Variants in MRPL37 observed in about 807,000 individuals in gnomAD.
The protein encoded by MRPL37 is mitochondrial ribosomal protein L37, also known as large ribosomal subunit protein mL37.
A neutral mutation model predicts 44.1 loss-of-function variants in MRPL37; 34 were observed. That is an observed-to-expected ratio of 0.77 (90% CI 0.59 to 1.03). The LOEUF is 1.03. Among genes scored for constraint, MRPL37 ranks in the 50% least tolerant of loss-of-function variants. MRPL37 has a pLI of 0.00. For synonymous variants in MRPL37, 212 were observed against 219.5 expected, an observed-to-expected ratio of 0.97 and a Z score of 0.30; for missense variants, 532 against 543.7, an observed-to-expected ratio of 0.98 and a Z score of 0.21.
chr1:54,220,236 A>C (rs1229514791), downstream of MRPL37, among the ~76,000 whole-genome samples: 1 of 152,004 alleles, frequency 6.6e-6, no homozygotes, highest in Non-Finnish European at 1.5e-5. Flanking sequence ...AGGGAGGGTG[A>C]GGTGAACTTG....
chr1:54,210,772 A>G (rs533982557), intron 4 of MRPL37, among the ~76,000 whole-genome samples: 1 of 152,130 alleles, frequency 6.6e-6, no homozygotes, highest in Admixed American at 6.5e-5. Context: ...TACCTAGCCT[A>G]TTGCCACAGC....
downstream of MRPL37, among the ~76,000 whole-genome samples, chr1:54,222,914 A>C (rs1440290106): frequency 1.3e-5 from 2 of 152,218 alleles, no homozygotes; most frequent in Admixed American, 6.5e-5. Flanking sequence ...GTGCCAGAAC[A>C]ACCCCTGGCA....
intron 1 of MRPL37, among the ~76,000 whole-genome samples, chr1:54,204,014 T>G (rs1303241452): frequency 3.9e-5 from 6 of 152,212 alleles, no homozygotes; most frequent in Non-Finnish European, 4.4e-5. Context: ...ATTTACTATT[T>G]GGCCCTTTGA....
At chr1:54,216,431 C>T in intron 6 of MRPL37, 87 bp downstream of exon 6, 1 of 1,471,724 alleles carries the variant, frequency 6.8e-7, no homozygotes, top group Non-Finnish European at 9.3e-7. Flanking sequence ...CTGGGGTGCT[C>T]TGTGAGGAGA....
intron 1 of MRPL37, 31 bp downstream of exon 1, chr1:54,200,620 G>A (rs767893972): frequency 7.0e-6 from 11 of 1,565,296 alleles, no homozygotes; most frequent in East Asian, 2.3e-5. Context: ...GCAAGGGACC[G>A]TGTTCCTCTA....
intron 6 of MRPL37, among the ~76,000 whole-genome samples, chr1:54,216,948 C>T (rs541564389): frequency 1.2e-4 from 18 of 151,802 alleles, no homozygotes; most frequent in South Asian, 4.2e-4. Flanking sequence ...CCCACAGATA[C>T]GGAGTTCCTC....
Position 54,200,250 on chromosome 1 carries a change from T to C in MRPL37, c.7T>C (p.Leu3=), listed in dbSNP as rs749134167. ...TTGAGGCTATCAGATCGGTATGGCA[T>C]TGGCGTCCGGGCCCGCAAGGCGGGC... MA[L]ASGPARRALA... is the part of the protein sequence containing the mutation. Residue 3 remains leucine, a synonymous_variant, in exon 1 of 7, where the codon TTG becomes CTG. Transcript: ENST00000360840. The C allele has an allele frequency of 4.4e-6, 7 of 1,586,566 alleles. No individual in the cohort carries two copies. In the South Asian group the frequency reaches 5.7e-5, roughly 13 times the overall value.
intron 5 of MRPL37, among the ~76,000 whole-genome samples, chr1:54,215,423 T>C (rs1215111442): frequency 1.3e-5 from 2 of 152,208 alleles, no homozygotes; most frequent in African/African-American, 2.4e-5. Context: ...GTGTTACTAC[T>C]ATTACCAAGT....
At chr1:54,221,815 G>A (rs988658880), downstream of MRPL37, among the ~76,000 whole-genome samples, 1 of 152,218 alleles carries the variant, frequency 6.6e-6, no homozygotes. Flanking sequence ...GTCCCTCACC[G>A]TAGACCTCCT....
chr1:54,220,503 G>A (rs573182694), downstream of MRPL37: 4 of 378,474 alleles, frequency 1.1e-5, no homozygotes, highest in South Asian at 2.0e-5. Context: ...CAGGACTGGC[G>A]GTTTTTTTTA....
chr1:54,222,687 A>G (rs1437906684), downstream of MRPL37, among the ~76,000 whole-genome samples: 5 of 151,932 alleles, frequency 3.3e-5, no homozygotes, highest in Non-Finnish European at 5.9e-5. Flanking sequence ...TTCATTCCCT[A>G]GATGATTTCA....
At chr1:54,204,662 G>A (rs1456405047) in intron 1 of MRPL37, among the ~76,000 whole-genome samples, 2 of 152,184 alleles carry the variant, frequency 1.3e-5, no homozygotes, top group South Asian at 4.1e-4. Flanking sequence ...TTAAATGAAA[G>A]GTTGGCATCC....
chr1:54,221,978 G>A (rs1644237999), downstream of MRPL37, among the ~76,000 whole-genome samples: 1 of 152,200 alleles, frequency 6.6e-6, no homozygotes, highest in Non-Finnish European at 1.5e-5. Flanking sequence ...ATTGGCAGTA[G>A]CAGGTACCCA....
At chr1:54,211,595 C>T (rs548108266) in intron 4 of MRPL37, among the ~76,000 whole-genome samples, 16 of 152,188 alleles carry the variant, frequency 1.1e-4, no homozygotes, top group Non-Finnish European at 4.4e-5. Flanking sequence ...CAGGCTCAAG[C>T]AATCCTCCTA....
chr1:54,225,429 G>A, downstream of MRPL37: 5 of 1,233,118 alleles, frequency 4.1e-6, no homozygotes, highest in Non-Finnish European at 5.1e-6. Flanking sequence ...TGTCAGGAAG[G>A]GCTGCGGAAA....
At chr1:54,216,389 C>T (rs1215024288) in intron 6 of MRPL37, 45 bp downstream of exon 6, 1 of 1,598,676 alleles carries the variant, frequency 6.3e-7, no homozygotes, top group Non-Finnish European at 8.5e-7. Context: ...GCCATGCCTC[C>T]TCCTACCTGG....
intron 1 of MRPL37, among the ~76,000 whole-genome samples, chr1:54,203,080 G>C (rs533231662): frequency 2.0e-5 from 3 of 152,328 alleles, no homozygotes; most frequent in Admixed American, 2.0e-4. Context: ...ATCCCACTGA[G>C]AGTAGCTAAG....
chr1:54,206,755 T>C (rs1234933010), intron 3 of MRPL37, among the ~76,000 whole-genome samples: 2 of 151,548 alleles, frequency 1.3e-5, no homozygotes, highest in Non-Finnish European at 2.9e-5. Context: ...TTTTTTTTTT[T>C]CCAGATGGAG....
At chr1:54,214,534 C>T (rs964743608) in intron 5 of MRPL37, among the ~76,000 whole-genome samples, 1 of 152,208 alleles carries the variant, frequency 6.6e-6, no homozygotes, top group Non-Finnish European at 1.5e-5. Context: ...CATGATCTCT[C>T]CAGTTTTGAA....
Sources: gnomAD v4.1 joint callset for allele counts (sites outside exome capture counted in the v4.1 genomes callset) on GRCh38, gnomAD v4.1.1 for gene constraint, MANE v1.5 for transcripts, NCBI Gene and HGNC (gene_info 2026-07-23, HGNC 2026-07-21) for gene names.